Variants in ASCC3 observed in about 807,000 individuals in gnomAD.
ASCC3 encodes the protein activating signal cointegrator 1 complex subunit 3.
In ASCC3, 158 loss-of-function variants were observed where a neutral mutation model predicts 256.3. That is an observed-to-expected ratio of 0.62 (90% CI 0.54 to 0.70). ASCC3 has a LOEUF of 0.70. Ranked by LOEUF, ASCC3 falls within the 30% of genes least tolerant of loss-of-function variation. The pLI is 0.00. For synonymous variants in ASCC3, 948 were observed against 883.4 expected, an observed-to-expected ratio of 1.07 and a Z score of -1.30; for missense variants, 2,259 against 2,626.0, an observed-to-expected ratio of 0.86 and a Z score of 3.05.
intron 41 of ASCC3, 34 bp from the exon 42 acceptor site, chr6:100,509,567 C>T: frequency 6.4e-7 from 1 of 1,572,940 alleles, no homozygotes; most frequent in Non-Finnish European, 8.7e-7. Flanking sequence ...AATGTAAAAC[C>T]ACTTTTGTAA....
intron 30 of ASCC3, among the ~76,000 whole-genome samples, chr6:100,616,460 T>C (rs1361453804): frequency 6.6e-6 from 1 of 152,210 alleles, no homozygotes; most frequent in African/African-American, 2.4e-5. Context: ...CAAAAAATAA[T>C]GTTCTGTATA....
At chr6:100,740,967 TCA>T (rs761532435) in intron 10 of ASCC3, among the ~76,000 whole-genome samples, 1 of 152,190 alleles carries the variant, frequency 6.6e-6, no homozygotes, top group East Asian at 1.9e-4. Context: ...TATGGTTGCT[TCA>T]CAGTGTCACT....
At position 100,823,309 on chromosome 6, in the gene ASCC3, A is replaced by T. The variant is rs185932618; in HGVS notation, c.802-17429T>A. On this transcript the variant is annotated intron_variant, in intron 4 of 41. Transcript: ENST00000369162. Reference sequence around the variant, plus strand: ...GGATCACTGCTCTACGCACAGATACAAGTTCCTGAAGTTATCAAATTAAAA... The same window carrying T: ...GGATCACTGCTCTACGCACAGATACTAGTTCCTGAAGTTATCAAATTAAAA... 6.6e-4 allele frequency among the ~76,000 whole-genome samples: 100 copies of T among 152,320 alleles called. No individual in the cohort carries two copies. In the East Asian group the frequency reaches 0.018, roughly 28 times the overall value.
chr6:100,565,936 G>C (rs568844452), intron 36 of ASCC3, among the ~76,000 whole-genome samples: 59 of 152,072 alleles, frequency 3.9e-4, no homozygotes, highest in Non-Finnish European at 7.2e-4. Context: ...ATTCCTCCAA[G>C]CCATTAATAA....
At chr6:100,549,362 A>C (rs145501583) in intron 36 of ASCC3, among the ~76,000 whole-genome samples, 1 of 152,000 alleles carries the variant, frequency 6.6e-6, no homozygotes, top group Admixed American at 6.6e-5. Context: ...TGTTTTGAAT[A>C]CTGTCTTCAC....
At chr6:100,812,058 T>C (rs1274917092) in intron 4 of ASCC3, among the ~76,000 whole-genome samples, 1 of 152,118 alleles carries the variant, frequency 6.6e-6, no homozygotes, top group African/African-American at 2.4e-5. Flanking sequence ...TACCCAAAGA[T>C]GCATCTCCGT....
chr6:100,689,889 A>G (rs239207), intron 13 of ASCC3, among the ~76,000 whole-genome samples: 1 of 151,740 alleles, frequency 6.6e-6, no homozygotes, highest in African/African-American at 2.4e-5. Context: ...AGTGCTATTA[A>G]AAGGTGTAAA....
Position 100,699,608 on chromosome 6 carries a change from A to C in ASCC3, c.2151+15854T>G, listed in dbSNP as rs1424078404. Among the ~76,000 whole-genome samples, 3 of 152,314 alleles carry C rather than the reference A, an allele frequency of 2.0e-5. No individual in the cohort carries two copies. The East Asian group carries it at 5.8e-4, about 29-fold the overall frequency. On this transcript the variant is annotated intron_variant, in intron 13 of 41. Transcript: ENST00000369162. ...TGGAACTGGGTAGCAGGCAGAGGTCAGAACAGTTTGGTGGGTACAGAAGAA... is the reference window on the plus strand; with the variant it reads ...TGGAACTGGGTAGCAGGCAGAGGTCCGAACAGTTTGGTGGGTACAGAAGAA...
chr6:100,749,294 T>C (rs1169928691), intron 10 of ASCC3, among the ~76,000 whole-genome samples: 1 of 152,010 alleles, frequency 6.6e-6, no homozygotes, highest in Non-Finnish European at 1.5e-5. Flanking sequence ...TAATATGAAC[T>C]AGTATTTAAT....
chr6:100,680,354 A>G (rs1253201170), intron 13 of ASCC3, among the ~76,000 whole-genome samples: 3 of 152,124 alleles, frequency 2.0e-5, no homozygotes, highest in Non-Finnish European at 4.4e-5. Context: ...AAGTGGGGAA[A>G]AAATGCATCT....
At chr6:100,860,305 A>T (rs1331813201) in intron 3 of ASCC3, among the ~76,000 whole-genome samples, 1 of 152,038 alleles carries the variant, frequency 6.6e-6, no homozygotes, top group Non-Finnish European at 1.5e-5. Context: ...ATTAAGGACC[A>T]AGAATACTAT....
chr6:100,543,175 C>G (rs1370343546), intron 36 of ASCC3, among the ~76,000 whole-genome samples: 1 of 152,058 alleles, frequency 6.6e-6, no homozygotes, highest in Non-Finnish European at 1.5e-5. Flanking sequence ...TTACACATAT[C>G]CTCCTGTATA....
intron 4 of ASCC3, among the ~76,000 whole-genome samples, chr6:100,824,951 G>T (rs375338835): frequency 1.3e-5 from 2 of 151,944 alleles, no homozygotes; most frequent in Admixed American, 6.6e-5. Context: ...TACAATAAAG[G>T]CCAGGAAAAA....
rs1028371558 is a variant in ASCC3, at chr6:100,582,900, C to T, written c.5550+6734G>A. ...ATGCTGGATTACATTTATTGATTTG[C>T]GTATATTGAACCAGCCTTGCATCCC... On this transcript the variant is annotated intron_variant, in intron 36 of 41. Transcript: ENST00000369162. 1.1e-4 allele frequency among the ~76,000 whole-genome samples: 16 copies of T among 152,154 alleles called. 1 individual carries two copies. In the Middle Eastern group the frequency reaches 0.017, roughly 162 times the overall value.
At chr6:100,800,538 T>C (rs1297611536) in intron 5 of ASCC3, 34 bp from the exon 6 acceptor site, 2 of 1,465,690 alleles carry the variant, frequency 1.4e-6, no homozygotes, top group Admixed American at 1.8e-5. Flanking sequence ...CAATGTTTTA[T>C]AAATCTGAAT....
chr6:100,726,115 T>A (rs909160823), intron 10 of ASCC3, among the ~76,000 whole-genome samples: 4 of 151,638 alleles, frequency 2.6e-5, no homozygotes, highest in African/African-American at 9.7e-5. Flanking sequence ...AATCAACAAT[T>A]CACTCTACCG....
At chr6:100,608,020 G>GTA (rs1186111303) in intron 30 of ASCC3, among the ~76,000 whole-genome samples, 3 of 104,756 alleles carry the variant, frequency 2.9e-5, no homozygotes, top group Admixed American at 1.0e-4. Flanking sequence ...CTAGAAATAT[G>GTA]TATATATATA....
intron 13 of ASCC3, among the ~76,000 whole-genome samples, chr6:100,681,079 T>C (rs1354138451): frequency 6.6e-6 from 1 of 152,194 alleles, no homozygotes; most frequent in Non-Finnish European, 1.5e-5. Context: ...AGTAATCTTA[T>C]GTCTATAAAC....
intron 36 of ASCC3, among the ~76,000 whole-genome samples, chr6:100,573,858 C>T (rs566611297): frequency 2.6e-4 from 39 of 152,140 alleles, no homozygotes; most frequent in Non-Finnish European, 4.7e-4. Flanking sequence ...ATAAAGATTG[C>T]GTTTGCGATT....
Sources: allele counts gnomAD v4.1 joint callset (sites outside exome capture counted in the v4.1 genomes callset), GRCh38; gene constraint gnomAD v4.1.1; transcripts MANE v1.5; gene names NCBI Gene and HGNC (gene_info 2026-07-23, HGNC 2026-07-21).